Variants in ADGRA3 observed in about 807,000 individuals in gnomAD.
ADGRA3 encodes G-protein coupled receptor 125.
A neutral mutation model predicts 119.8 loss-of-function variants in ADGRA3; 56 were observed. The observed-to-expected ratio is 0.47, with a 90% confidence interval of 0.38 to 0.58. ADGRA3 has a LOEUF of 0.58. ADGRA3 is among the 20% of genes least tolerant of loss of function. ADGRA3 has a pLI of 0.00. For synonymous variants in ADGRA3, 607 were observed against 623.8 expected (o/e 0.97, Z 0.40); for missense variants, 1,516 against 1,649.0 (o/e 0.92, Z 1.40).
intron 12 of ADGRA3, among the ~76,000 whole-genome samples, chr4:22,416,631 T>C (rs1010712544): frequency 6.6e-6 from 1 of 152,138 alleles, no homozygotes; most frequent in Non-Finnish European, 1.5e-5. Flanking sequence ...CAGTGGAAGA[T>C]GGTTATCTGG....
chr4:22,483,216 AAACATCTTTAACTC>A (rs1281119792), intron 1 of ADGRA3, among the ~76,000 whole-genome samples: 1 of 152,142 alleles, frequency 6.6e-6, no homozygotes, highest in Non-Finnish European at 1.5e-5. Context: ...TCCCCCTAGT[AAACATCTTTAACTC>A]CTAGCTCCAC....
chr4:22,510,686 G>A (rs919775420), intron 1 of ADGRA3, among the ~76,000 whole-genome samples: 2 of 152,030 alleles, frequency 1.3e-5, no homozygotes, highest in African/African-American at 2.4e-5. Context: ...CCTTCCTCCC[G>A]AATGCCTTCT....
chr4:22,467,473 G>C (rs1228108119), intron 2 of ADGRA3, among the ~76,000 whole-genome samples: 3 of 152,292 alleles, frequency 2.0e-5, no homozygotes, highest in African/African-American at 7.2e-5. Context: ...TATAATGTCA[G>C]TTCCATTTTT....
chr4:22,476,423 T>C (rs1021092598), intron 1 of ADGRA3, among the ~76,000 whole-genome samples: 3 of 152,106 alleles, frequency 2.0e-5, no homozygotes, highest in African/African-American at 7.2e-5. Flanking sequence ...AAACAAATTA[T>C]AATACATCCA....
intron 10 of ADGRA3, among the ~76,000 whole-genome samples, chr4:22,431,746 G>A (rs1190726306): frequency 2.0e-5 from 3 of 152,100 alleles, no homozygotes; most frequent in Admixed American, 2.0e-4. Context: ...TTTTAGCAGA[G>A]TGAAAACTAA....
chr4:22,390,338 A>G (rs1714065539), intron 17 of ADGRA3, among the ~76,000 whole-genome samples: 1 of 106,884 alleles, frequency 9.4e-6, no homozygotes, highest in Admixed American at 9.5e-5. Context: ...ATATATATAT[A>G]AAATACATAT....
intron 1 of ADGRA3, among the ~76,000 whole-genome samples, chr4:22,490,222 A>G (rs950883652): frequency 3.3e-5 from 5 of 150,244 alleles, no homozygotes; most frequent in Non-Finnish European, 7.4e-5. Flanking sequence ...GCCATAGTAG[A>G]TATCTTTCAA....
intron 1 of ADGRA3, among the ~76,000 whole-genome samples, chr4:22,496,050 T>C (rs764785726): frequency 1.3e-4 from 20 of 152,364 alleles, no homozygotes; most frequent in Non-Finnish European, 2.8e-4. Context: ...AAAAAAGATA[T>C]TATATATTCC....
intron 10 of ADGRA3, among the ~76,000 whole-genome samples, chr4:22,434,621 C>A (rs549435662): frequency 6.6e-6 from 1 of 152,106 alleles, no homozygotes; most frequent in African/African-American, 2.4e-5. Flanking sequence ...AAAGTTCTCA[C>A]GAAGCTTTAA....
chr4:22,491,849 G>GT (rs1718634025), intron 1 of ADGRA3, among the ~76,000 whole-genome samples: 1 of 152,140 alleles, frequency 6.6e-6, no homozygotes, highest in Non-Finnish European at 1.5e-5. Flanking sequence ...ATTTTAACAA[G>GT]TATGAGAATA....
chr4:22,425,062 G>A (rs1371405535), intron 10 of ADGRA3, among the ~76,000 whole-genome samples: 2 of 148,584 alleles, frequency 1.3e-5, no homozygotes, highest in African/African-American at 5.0e-5. Flanking sequence ...ACAACAGAGT[G>A]AGACACTCTT....
rs371509325 is a variant in ADGRA3 at position 22,392,812 on chromosome 4, C to T, written c.2482-122G>A. Reference sequence around the variant, plus strand: ...CAGCAGGAAGGCCTATCCTAATAATCAACTCTGTTGCCTGCTAAGGCAACA... The same window carrying T: ...CAGCAGGAAGGCCTATCCTAATAATTAACTCTGTTGCCTGCTAAGGCAACA... On this transcript the variant is annotated intron_variant, in intron 16 of 18. Transcript: ENST00000334304. 1,182 of 806,896 alleles carry T rather than the reference C, an allele frequency of 1.5e-3. 28 individuals are homozygous for T. In the South Asian group the frequency reaches 0.021, roughly 15 times the overall value. The allele number at this position is 806,896 out of a possible 1,614,324, so 50.0% of individuals were successfully genotyped here. A position where few individuals can be genotyped will look rare whatever the true frequency, so the allele number is the denominator to read the frequency against.
In ADGRA3 at chr4:22,461,723, A is replaced by AT; in HGVS notation, c.401+13dup. 1 of 1,566,752 alleles carries AT rather than the reference A, an allele frequency of 6.4e-7. No individual in the cohort carries two copies. The highest frequency in any genetic ancestry group is 8.8e-7 in the Non-Finnish European group (1 of 1,142,338). On this transcript the variant is annotated intron_variant, in intron 3 of 18. Coordinates refer to ENST00000334304, the MANE Select transcript of ADGRA3 (RefSeq NM_145290.4). ...AACAATTCAAACTCGTAAGCAAGCA[A>AT]TTCAAACACTTACAATCTTTTTAGA...
intron 16 of ADGRA3, among the ~76,000 whole-genome samples, chr4:22,396,038 A>G (rs1445849446): frequency 1.3e-5 from 2 of 152,194 alleles, no homozygotes; most frequent in Non-Finnish European, 2.9e-5. Flanking sequence ...GATCCAGCTG[A>G]ATCCTTTTAT....
chr4:22,443,160 T>C (rs1466187250), intron 6 of ADGRA3: 2 of 643,300 alleles, frequency 3.1e-6, no homozygotes, highest in Non-Finnish European at 5.5e-6. Flanking sequence ...AGCTGTGCTC[T>C]AGAAAATGGC....
At chr4:22,443,273 T>C in intron 6 of ADGRA3, 1 of 483,236 alleles carries the variant, frequency 2.1e-6, no homozygotes, top group Non-Finnish European at 3.6e-6. Flanking sequence ...AACTAATGCA[T>C]GTTCACTCCA....
At chr4:22,497,778 A>T (rs1718893095) in intron 1 of ADGRA3, among the ~76,000 whole-genome samples, 1 of 151,236 alleles carries the variant, frequency 6.6e-6, no homozygotes, top group South Asian at 2.1e-4. Flanking sequence ...AAAAAAAAAA[A>T]AAAAGGGATC....
At chr4:22,476,098 C>T (rs548982797) in intron 1 of ADGRA3, among the ~76,000 whole-genome samples, 5 of 152,230 alleles carry the variant, frequency 3.3e-5, no homozygotes, top group Non-Finnish European at 5.9e-5. Flanking sequence ...TGACCAAAAA[C>T]ATTCCGATTA....
At chr4:22,435,163 A>G in intron 10 of ADGRA3, 148 bp downstream of exon 10, 2 of 663,982 alleles carry the variant, frequency 3.0e-6, no homozygotes, top group Non-Finnish European at 5.2e-6. Context: ...AAGAGGCAGA[A>G]GTATCTCAAT....
Sources: gnomAD v4.1 joint callset for allele counts (sites outside exome capture counted in the v4.1 genomes callset) on GRCh38, gnomAD v4.1.1 for gene constraint, MANE v1.5 for transcripts, NCBI Gene and HGNC (gene_info 2026-07-23, HGNC 2026-07-21) for gene names.